Variants in ASMT observed in about 807,000 individuals in gnomAD.
ASMT encodes acetylserotonin N-methyltransferase.
ASMT carries 53 observed loss-of-function variants against 41.3 expected under a neutral mutation model. The observed-to-expected ratio is 1.28, with a 90% confidence interval of 1.03 to 1.61. The LOEUF is 1.61. Ranked by LOEUF, ASMT falls within the 40% of genes most tolerant of loss-of-function variation. The pLI is 0.00. For synonymous variants in ASMT, 231 were observed against 184.8 expected (o/e 1.25, Z -2.03); for missense variants, 531 against 441.3 (o/e 1.20, Z -1.82).
At chrX:1,627,362 C>T (rs1331227348) in intron 3 of ASMT, among the ~76,000 whole-genome samples, 1 of 149,642 alleles carries the variant, frequency 6.7e-6, no homozygotes, top group East Asian at 2.0e-4. Flanking sequence ...TGGCTCACAC[C>T]TGTAACCCCA....
intron 1 of ASMT, among the ~76,000 whole-genome samples, chrX:1,621,038 G>A (rs1263717046): frequency 8.5e-5 from 13 of 152,066 alleles, no homozygotes; most frequent in South Asian, 2.1e-4. Flanking sequence ...GTAGGTTGCC[G>A]TGAGCCGAGA....
chrX:1,633,316 G>C (rs1390691398), intron 7 of ASMT, 26 bp downstream of exon 7: 1 of 1,613,772 alleles, frequency 6.2e-7, no homozygotes, highest in African/African-American at 1.3e-5. Context: ...TGGGGAAGCA[G>C]AGATGTGTCT....
chrX:1,635,230 C>G (rs1354690502), intron 7 of ASMT, among the ~76,000 whole-genome samples: 1 of 144,490 alleles, frequency 6.9e-6, no homozygotes, highest in East Asian at 2.2e-4. Flanking sequence ...GTGATCTGCC[C>G]CGCTCAGACT....
chrX:1,617,790 T>G (rs1447813452), intron 1 of ASMT, among the ~76,000 whole-genome samples: 1 of 151,320 alleles, frequency 6.6e-6, no homozygotes, highest in Non-Finnish European at 1.5e-5. Flanking sequence ...TAATTTTGTA[T>G]TTTTAGTAGA....
Position 1,633,292 on chromosome X carries a change from T to C in ASMT, c.787+2T>C, listed in dbSNP as rs1413112274. On this transcript the variant is annotated splice_donor_variant, in intron 7 of 8. Coordinates refer to ENST00000381241, the MANE Select transcript of ASMT (RefSeq NM_001171038.2). LOFTEE classifies it high-confidence loss of function. ...AAGAACAGATTGACTTCCAGGAAGGTGTGTTTGTGTCCGTGGGGAAGCAGA... is the reference window on the plus strand; with the variant it reads ...AAGAACAGATTGACTTCCAGGAAGGCGTGTTTGTGTCCGTGGGGAAGCAGA... The C allele has an allele frequency of 6.2e-7, 1 of 1,613,822 alleles. No individual in the cohort carries two copies. Among genetic ancestry groups the C allele is most frequent in the Non-Finnish European group, 8.5e-7 (1 of 1,179,836 alleles).
intron 1 of ASMT, among the ~76,000 whole-genome samples, chrX:1,616,197 T>G (rs1461373066): frequency 6.4e-5 from 5 of 78,110 alleles, no homozygotes; most frequent in Non-Finnish European, 9.6e-5. Flanking sequence ...CCCGGCTAAT[T>G]TTTGTATTTT....
intron 5 of ASMT, among the ~76,000 whole-genome samples, chrX:1,630,281 C>G (rs1383122458): frequency 6.9e-6 from 1 of 144,078 alleles, no homozygotes; most frequent in Admixed American, 7.0e-5. Flanking sequence ...TTACAGGCAC[C>G]TGCCACCACA....
rs746619850 is a variant in ASMT, at chrX:1,636,592, C to G, written c.910+32C>G. On this transcript the variant is annotated intron_variant, in intron 8 of 8. Transcript: ENST00000381241. Reference sequence around the variant, plus strand: ...TGTGGGGTTTGCATTTCAGCGTGTGCTTGTGACACGGGGCAGAATTGTACG... The same window carrying G: ...TGTGGGGTTTGCATTTCAGCGTGTGGTTGTGACACGGGGCAGAATTGTACG... 102 of 1,613,634 alleles carry G rather than the reference C, an allele frequency of 6.3e-5. No homozygotes were observed. In the South Asian group the frequency reaches 1.0e-3, roughly 17 times the overall value.
intron 7 of ASMT, among the ~76,000 whole-genome samples, chrX:1,634,661 C>CCCG (rs1556129725): frequency 6.6e-6 from 1 of 150,462 alleles, no homozygotes; most frequent in African/African-American, 2.4e-5. Flanking sequence ...TAACCCCCCC[C>CCCG]CTTTTTTTTT....
chrX:1,624,160 A>G (rs1934437628), intron 2 of ASMT, 109 bp from the exon 3 acceptor site: 17 of 1,424,378 alleles, frequency 1.2e-5, no homozygotes, highest in Non-Finnish European at 1.7e-5. Context: ...TAAAGAAGAG[A>G]TGGGCTTGTA....
intron 7 of ASMT, among the ~76,000 whole-genome samples, chrX:1,636,057 GC>G (rs1206212942): frequency 7.3e-5 from 11 of 149,694 alleles, no homozygotes. Flanking sequence ...CCGGGTTCAT[GC>G]CATTCTCCTG....
At position 1,615,129 on chromosome X, in the gene ASMT, C is replaced by A. The variant is rs1934028922; in HGVS notation, c.-71C>A. The A allele has an allele frequency of 2.0e-5, 29 of 1,438,392 alleles. No homozygotes were observed. The East Asian group carries it at 7.2e-4, about 36-fold the overall frequency. 89.1% of individuals were successfully genotyped at this position (1,438,392 alleles called of 1,614,324 possible). A position where few individuals can be genotyped will look rare whatever the true frequency, so the allele number is the denominator to read the frequency against. ...GAGCGGGTGGCTCTTCCCCACCTTG[C>A]CAGCAGGCTCTGTGCTCCTTGAAGC... On this transcript the variant is annotated 5_prime_UTR_variant, in exon 1 of 9. Transcript: ENST00000381241.
intron 1 of ASMT, among the ~76,000 whole-genome samples, chrX:1,618,879 T>C (rs1458766876): frequency 6.6e-6 from 1 of 152,146 alleles, no homozygotes; most frequent in African/African-American, 2.4e-5. Flanking sequence ...TTCACAGCGG[T>C]GTTCAGGGAG....
In ASMT at chrX:1,623,203, A is replaced by T; in HGVS notation, c.134A>T (p.Asp45Val). 6.2e-7 allele frequency: 1 copy of T among 1,613,442 alleles called. No homozygotes were observed. The highest frequency in any genetic ancestry group is 8.5e-7 in the Non-Finnish European group (1 of 1,179,846). The change falls in exon 2 of 9, where the codon GAC becomes GTC. Residue 45 changes from aspartate to valine, a missense_variant. By Grantham distance (152) the Asp-to-Val change is radical. Transcript: ENST00000381241. ...DLLAEAPGPL[D>V]VAAVAAGVRA... is the part of the protein sequence containing the mutation. ...CTCGCCGAGGCCCCAGGGCCCCTGG[A>T]CGTGGCGGCAGTGGCTGCAGGTGTG...
intron 1 of ASMT, among the ~76,000 whole-genome samples, chrX:1,615,964 T>G (rs1368042597): frequency 1.3e-5 from 2 of 152,176 alleles, no homozygotes; most frequent in African/African-American, 4.8e-5. Flanking sequence ...AGTAAATAAT[T>G]ACACTGTGCG....
intron 3 of ASMT, among the ~76,000 whole-genome samples, chrX:1,625,822 C>T (rs1360919303): frequency 1.6e-4 from 25 of 151,558 alleles, no homozygotes; most frequent in South Asian, 1.3e-3. Flanking sequence ...GGCGTGGTGG[C>T]GGGCGCCTGT....
intron 5 of ASMT, among the ~76,000 whole-genome samples, chrX:1,630,300 ATTTT>A (rs36011956): frequency 2.0e-4 from 14 of 71,092 alleles, no homozygotes; most frequent in African/African-American, 6.4e-4. Flanking sequence ...CACCAGGCTA[ATTTT>A]TTTTTTTTTT....
intron 3 of ASMT, among the ~76,000 whole-genome samples, chrX:1,625,910 G>C (rs781720625): frequency 1.5e-5 from 2 of 136,930 alleles, no homozygotes; most frequent in South Asian, 2.4e-4. Context: ...AGCCAAGATC[G>C]CACCACTGCA....
chrX:1,634,421 C>T, intron 7 of ASMT, among the ~76,000 whole-genome samples: 1 of 152,166 alleles, frequency 6.6e-6, no homozygotes, highest in East Asian at 1.9e-4. Flanking sequence ...GTTACATAGA[C>T]ATGGCAGACA....
Sources: allele counts gnomAD v4.1 joint callset (sites outside exome capture counted in the v4.1 genomes callset), GRCh38; gene constraint gnomAD v4.1.1; transcripts MANE v1.5; gene names NCBI Gene and HGNC (gene_info 2026-07-23, HGNC 2026-07-21).